TDRD5: variants seen among roughly 807,000 people sequenced by gnomAD.
TDRD5 encodes the protein tudor domain containing 5, also known as tudor domain-containing protein 5.
In TDRD5, 41 loss-of-function variants were observed where a neutral mutation model predicts 120.6. The ratio of observed to expected loss-of-function variants is 0.34; its 90% CI spans 0.26 to 0.44. The LOEUF (loss-of-function observed/expected upper bound fraction) is 0.44. TDRD5 is among the 20% of genes least tolerant of loss of function. The pLI is 1.00. For missense variants in TDRD5, 1,006 were observed against 1,221.2 expected (o/e 0.82, Z 2.63); for synonymous variants, 430 against 433.7 (o/e 0.99, Z 0.11).
chr1:179,641,151 A>G (rs1399092415), intron 11 of TDRD5, among the ~76,000 whole-genome samples: 1 of 152,160 alleles, frequency 6.6e-6, no homozygotes, highest in Non-Finnish European at 1.5e-5. Flanking sequence ...CTACACATTT[A>G]TTATGCCATA....
At chr1:179,674,605 A>G (rs895398946) in intron 17 of TDRD5, among the ~76,000 whole-genome samples, 3 of 152,162 alleles carry the variant, frequency 2.0e-5, no homozygotes, top group African/African-American at 7.2e-5. Flanking sequence ...GAATACTGTC[A>G]ATAGGATTGG....
intron 2 of TDRD5, among the ~76,000 whole-genome samples, 166 bp from the exon 3 acceptor site, chr1:179,593,294 C>A (rs1279431032): frequency 6.6e-6 from 1 of 152,182 alleles, no homozygotes; most frequent in African/African-American, 2.4e-5. Context: ...AGCTAGCAAG[C>A]TGTTGCCCAA....
At chr1:179,600,337 CTT>C (rs1185029871) in intron 4 of TDRD5, among the ~76,000 whole-genome samples, 1 of 152,146 alleles carries the variant, frequency 6.6e-6, no homozygotes, top group African/African-American at 2.4e-5. Flanking sequence ...TACTGTACCT[CTT>C]GTGTTTAGAT....
At chr1:179,641,697 G>T (rs1468640067) in intron 11 of TDRD5, among the ~76,000 whole-genome samples, 1 of 152,080 alleles carries the variant, frequency 6.6e-6, no homozygotes, top group African/African-American at 2.4e-5. Context: ...AATAGTAATC[G>T]TAATATTTTG....
At chr1:179,668,741 CTTTTT>C (rs35873475) in intron 16 of TDRD5, among the ~76,000 whole-genome samples, 1 of 110,332 alleles carries the variant, frequency 9.1e-6, no homozygotes, top group Non-Finnish European at 1.8e-5. Flanking sequence ...TATCTAGGTT[CTTTTT>C]TTTTTTTTTT....
chr1:179,594,192 CT>C (rs1471081033), intron 3 of TDRD5, among the ~76,000 whole-genome samples: 51 of 152,270 alleles, frequency 3.3e-4, no homozygotes, highest in African/African-American at 1.2e-3. Flanking sequence ...TGTAAATGAA[CT>C]TTACATGAAT....
At chr1:179,678,952 GGA>G (rs149583142) in intron 17 of TDRD5, among the ~76,000 whole-genome samples, 7,175 of 152,216 alleles carry the variant, frequency 0.047, 258 homozygotes, top group Non-Finnish European at 0.069. Context: ...TGATCTTATA[GGA>G]AGCATTTTAT....
At chr1:179,593,898 A>G (rs6698734) in intron 3 of TDRD5, 31 bp downstream of exon 3, 112,823 of 1,597,450 alleles carry the variant, frequency 0.071, 4,611 homozygotes, top group African/African-American at 0.15. Context: ...TGGAGCAGTC[A>G]TGGCACATAG....
chr1:179,675,815 TGAATA>T (rs1219487155), intron 17 of TDRD5, among the ~76,000 whole-genome samples: 1 of 152,210 alleles, frequency 6.6e-6, no homozygotes, highest in African/African-American at 2.4e-5. Context: ...CATGTGTTGA[TGAATA>T]GAATATATAT....
At chr1:179,622,718 A>G (rs1321263536) in intron 6 of TDRD5, among the ~76,000 whole-genome samples, 1 of 152,150 alleles carries the variant, frequency 6.6e-6, no homozygotes, top group Admixed American at 6.6e-5. Context: ...ATCCAATTTG[A>G]AGAACAGAGA....
At chr1:179,668,812 G>C (rs890991559) in intron 16 of TDRD5, among the ~76,000 whole-genome samples, 1 of 142,458 alleles carries the variant, frequency 7.0e-6, no homozygotes, top group Non-Finnish European at 1.5e-5. Context: ...GCGCAACCTC[G>C]GCTCACTGCA....
At chr1:179,605,782 T>G (rs1257068087) in intron 4 of TDRD5, among the ~76,000 whole-genome samples, 1 of 152,180 alleles carries the variant, frequency 6.6e-6, no homozygotes, top group Non-Finnish European at 1.5e-5. Context: ...CTTTATGTCT[T>G]TTCATGGCTT....
At chr1:179,675,275 T>TATA (rs573077045) in intron 17 of TDRD5, among the ~76,000 whole-genome samples, 3 of 48,606 alleles carry the variant, frequency 6.2e-5, no homozygotes, top group Non-Finnish European at 1.4e-4. Flanking sequence ...TTATTATTAT[T>TATA]TTTTTTTTTT....
chr1:179,688,314 G>A (rs1280794017), intron 17 of TDRD5, among the ~76,000 whole-genome samples: 1 of 152,102 alleles, frequency 6.6e-6, no homozygotes, highest in Admixed American at 6.6e-5. Context: ...AGCTTAGTTT[G>A]GCTGGATATG....
intron 4 of TDRD5, among the ~76,000 whole-genome samples, chr1:179,600,856 C>A (rs1675666063): frequency 6.6e-6 from 1 of 152,156 alleles, no homozygotes; most frequent in Admixed American, 6.5e-5. Flanking sequence ...ATTTACTAAT[C>A]TCCCTTTTGG....
chr1:179,671,048 A>G (rs1331940025), intron 17 of TDRD5, among the ~76,000 whole-genome samples: 2 of 152,172 alleles, frequency 1.3e-5, no homozygotes, highest in African/African-American at 4.8e-5. Flanking sequence ...GTGAGGATCA[A>G]TGTTTATTTT....
At chr1:179,663,252 T>G (rs1679401292) in intron 15 of TDRD5, 96 bp from the exon 16 acceptor site, 1 of 1,354,946 alleles carries the variant, frequency 7.4e-7, no homozygotes. Flanking sequence ...TTTAAAAATA[T>G]GTATTGCTTT....
Position 179,662,117 on chromosome 1 carries a change from C to T in TDRD5, c.2336C>T (p.Thr779Ile), listed in dbSNP as rs1391119129. The T allele has an allele frequency of 2.0e-5, 31 of 1,575,188 alleles. No individual in the cohort carries two copies. Among genetic ancestry groups the T allele is most frequent in the Non-Finnish European group, 2.5e-5 (29 of 1,163,918 alleles). ...GTTACATTTTAGGATGAGATCCCCA[C>T]TGGAATGCCATGCCTGGAGTCAGTG... ...LKEENEDEIP[T>I]GMPCLESVTI... The change falls in exon 15 of 18, where the codon ACT (threonine) becomes ATT (isoleucine). Residue 779 changes from threonine to isoleucine, a missense_variant. Thr to Ile is a moderately conservative substitution (Grantham distance 89). Around this residue, in one of 3 missense-constraint regions of TDRD5, gnomAD observed 403 missense variants for 448.1 expected, o/e 0.90. Transcript: ENST00000444136.
chr1:179,685,814 G>T (rs939783362), intron 17 of TDRD5, among the ~76,000 whole-genome samples: 2 of 152,044 alleles, frequency 1.3e-5, no homozygotes, highest in African/African-American at 2.4e-5. Context: ...ATTGTGAATG[G>T]GAGTTCACTC....
Sources: gnomAD v4.1 joint callset for allele counts (sites outside exome capture counted in the v4.1 genomes callset) on GRCh38, gnomAD v4.1.1 for gene constraint, gnomAD v4.1.1 regional missense constraint, MANE v1.5 for transcripts, NCBI Gene and HGNC (gene_info 2026-07-23, HGNC 2026-07-21) for gene names.